Variants in TET3 observed in about 807,000 individuals in gnomAD.
The protein encoded by TET3 is tet methylcytosine dioxygenase 3, also known as methylcytosine dioxygenase TET3.
In TET3, 19 loss-of-function variants were observed where a neutral mutation model predicts 141.4. The observed-to-expected ratio is 0.13, with a 90% CI of 0.09 to 0.20. The LOEUF is 0.20. Ranked by LOEUF, TET3 falls within the 10% of genes least tolerant of loss-of-function variation. TET3 has a pLI of 1.00. For missense variants in TET3, 1,874 were observed against 2,356.9 expected, an observed-to-expected ratio of 0.80 and a Z score of 4.24; for synonymous variants, 1,043 against 980.9, an observed-to-expected ratio of 1.06 and a Z score of -1.18.
chr2:73,989,642 G>A (rs1042167146), intron 2 of TET3, among the ~76,000 whole-genome samples: 1 of 148,380 alleles, frequency 6.7e-6, no homozygotes, highest in African/African-American at 2.6e-5. Context: ...CTAGGAGGCG[G>A]TGACTACTTC....
intron 2 of TET3, among the ~76,000 whole-genome samples, chr2:73,987,858 G>C (rs1441819669): frequency 6.6e-6 from 1 of 152,222 alleles, no homozygotes; most frequent in East Asian, 1.9e-4. Context: ...CTGGCAGCCC[G>C]TGCTCTGGGT....
rs1189992305 is a variant in TET3 at position 74,061,176 on chromosome 2, G to A, written c.2495-12373G>A. Among the ~76,000 whole-genome samples, 11 of 148,522 alleles carry A rather than the reference G, an allele frequency of 7.4e-5. No individual in the cohort carries two copies. In the East Asian group the frequency reaches 1.0e-3, roughly 14 times the overall value. ...CCCCCACTTCCCTCCCGGACGGGGC[G>A]GCCGGCCGGGCGGGGGGCTGACCCC... On this transcript the variant is annotated intron_variant, in intron 4 of 11. Transcript: ENST00000409262.
At chr2:74,091,349 G>C (rs1392332627) in intron 8 of TET3, among the ~76,000 whole-genome samples, 1 of 152,212 alleles carries the variant, frequency 6.6e-6, no homozygotes, top group Non-Finnish European at 1.5e-5. Flanking sequence ...CTCTTACGAT[G>C]TGCTAAGCAC....
chr2:73,992,263 A>G (rs1206080386), intron 2 of TET3, among the ~76,000 whole-genome samples: 4 of 146,208 alleles, frequency 2.7e-5, no homozygotes, highest in African/African-American at 5.3e-5. Context: ...CCTACTGAAC[A>G]CCTGCAGATG....
At chr2:74,080,380 T>C in intron 5 of TET3, 118 bp from the exon 6 acceptor site, 1 of 825,664 alleles carries the variant, frequency 1.2e-6, no homozygotes, top group Non-Finnish European at 2.0e-6. Context: ...TTCTTCTCTG[T>C]TGCCCCCGAC....
At chr2:74,097,142 AATAGC>A (rs1690889439) in intron 10 of TET3, among the ~76,000 whole-genome samples, 1 of 150,814 alleles carries the variant, frequency 6.6e-6, no homozygotes, top group Non-Finnish European at 1.5e-5. Context: ...CAGGTCACAG[AATAGC>A]ATGTATATAT....
In TET3 at chr2:73,986,132, C is replaced by A; in HGVS notation, c.-272C>A. The A allele has an allele frequency of 3.2e-6, 1 of 317,202 alleles. No individual in the cohort carries two copies. The highest frequency in any genetic ancestry group is 5.7e-6 in the Non-Finnish European group (1 of 174,622). 19.6% of individuals were successfully genotyped at this position (317,202 alleles called of 1,614,324 possible). ...AAGAACCCACCGGGCCAAGATGATC[C>A]CTTTTCTGAGGGCTGCTGCTGGTGT... is the stretch of plus-strand genomic sequence containing the variant. On this transcript the variant is annotated 5_prime_UTR_variant, in exon 2 of 12. Coordinates refer to ENST00000409262, the MANE Select transcript of TET3 (RefSeq NM_001287491.2).
the TET3 span, among the ~76,000 whole-genome samples, chr2:74,114,853 C>CAAAAAAAAAGAAAAAAAAAAAAAAAAAA: frequency 2.3e-5 from 1 of 43,882 alleles, no homozygotes; most frequent in Non-Finnish European, 3.8e-5. Context: ...GACTCTGTCT[C>CAAAAAAAAAGAAAAAAAAAAAAAAAAAA]AAAAAAAAAA....
chr2:74,056,516 T>C (rs370084787), intron 4 of TET3, among the ~76,000 whole-genome samples: 2 of 152,166 alleles, frequency 1.3e-5, no homozygotes, highest in African/African-American at 4.8e-5. Context: ...CCTAGAGCTT[T>C]CTACCATGTA....
At chr2:73,998,859 A>G (rs1261030991) in intron 2 of TET3, among the ~76,000 whole-genome samples, 15 of 152,064 alleles carry the variant, frequency 9.9e-5, no homozygotes, top group African/African-American at 3.6e-4. Flanking sequence ...GACTTCCCTC[A>G]TAGTCAATTC....
chr2:74,115,986 G>A, the TET3 span, among the ~76,000 whole-genome samples: 1 of 145,638 alleles, frequency 6.9e-6, no homozygotes, highest in Non-Finnish European at 1.5e-5. Flanking sequence ...CTGCACTCCA[G>A]CCTGGGCGAC....
rs1208344156 is a variant in TET3 at position 74,086,790 on chromosome 2, C to CT, written c.2680-1039dup. ...TGGGCAACAGAGTAAGACCCTGACTCTAAAAAAAAAAAAAAAAAAAAAAGT... is the reference window on the plus strand; with the variant it reads ...TGGGCAACAGAGTAAGACCCTGACTCTTAAAAAAAAAAAAAAAAAAAAAAGT... On this transcript the variant is annotated intron_variant, in intron 6 of 11. Transcript: ENST00000409262. 1.4e-4 allele frequency among the ~76,000 whole-genome samples: 8 copies of CT among 58,380 alleles called. No individual in the cohort carries two copies. In the South Asian group the frequency reaches 1.7e-3, roughly 13 times the overall value. The allele number at this position is 58,380 out of a possible 152,430, so 38.3% of individuals were successfully genotyped here. A position where few individuals can be genotyped will look rare whatever the true frequency, so the allele number is the denominator to read the frequency against.
At chr2:74,051,379 A>G (rs921533947) in intron 4 of TET3, among the ~76,000 whole-genome samples, 2 of 152,248 alleles carry the variant, frequency 1.3e-5, no homozygotes, top group Non-Finnish European at 2.9e-5. Flanking sequence ...AAATTTGAAC[A>G]ATCATCTCAG....
intron 10 of TET3, among the ~76,000 whole-genome samples, chr2:74,097,100 AAAGAAG>A (rs937691281): frequency 1.6e-5 from 2 of 124,076 alleles, no homozygotes; most frequent in African/African-American, 5.0e-5. Context: ...TCAAAAAGAA[AAAGAAG>A]AAAAAGAAAA....
chr2:74,036,206 A>T (rs1249088887), intron 3 of TET3, among the ~76,000 whole-genome samples: 4 of 152,218 alleles, frequency 2.6e-5, no homozygotes, highest in Non-Finnish European at 5.9e-5. Flanking sequence ...GCGCAGAGAG[A>T]TTAGCTAACT....
At chr2:74,036,880 C>CTT (rs1558734420) in intron 3 of TET3, among the ~76,000 whole-genome samples, 4 of 152,088 alleles carry the variant, frequency 2.6e-5, no homozygotes, top group Admixed American at 1.3e-4. Context: ...CCCATTTCAG[C>CTT]TTTTTTCTAA....
intron 7 of TET3, 135 bp from the exon 8 acceptor site, chr2:74,089,761 TG>T: frequency 8.6e-7 from 1 of 1,159,348 alleles, no homozygotes; most frequent in Non-Finnish European, 1.2e-6. Flanking sequence ...GGGTTGGGGG[TG>T]GGGAAGGATG....
At chr2:74,083,103 A>G (rs1689924068) in intron 6 of TET3, among the ~76,000 whole-genome samples, 1 of 152,232 alleles carries the variant, frequency 6.6e-6, no homozygotes, top group African/African-American at 2.4e-5. Context: ...CAGTCAAGGT[A>G]CATCATGGGT....
intron 2 of TET3, 46 bp from the exon 3 acceptor site, chr2:74,003,064 T>G (rs1573658883): frequency 6.5e-7 from 1 of 1,549,904 alleles, no homozygotes; most frequent in Non-Finnish European, 8.7e-7. Flanking sequence ...TTTGCTGCCT[T>G]CCTGGTACCC....
Sources: gnomAD v4.1 joint callset for allele counts (sites outside exome capture counted in the v4.1 genomes callset) on GRCh38, gnomAD v4.1.1 for gene constraint, MANE v1.5 for transcripts, NCBI Gene and HGNC (gene_info 2026-07-23, HGNC 2026-07-21) for gene names.